Variants in ZSCAN18 observed in about 807,000 individuals in gnomAD.
The protein encoded by ZSCAN18 is zinc finger and SCAN domain-containing protein 18.
Under a neutral mutation model 31.1 loss-of-function variants are expected in ZSCAN18, and 16 were observed. That is an observed-to-expected ratio of 0.51 (90% CI 0.35 to 0.78). The LOEUF is 0.78. Ranked by LOEUF, ZSCAN18 falls within the 30% of genes least tolerant of loss-of-function variation. ZSCAN18 has a pLI of 0.01. For synonymous variants in ZSCAN18, 375 were observed against 320.7 expected (o/e 1.17, Z -1.81); for missense variants, 731 against 697.4 (o/e 1.05, Z -0.54).
chr19:58,112,273 G>A (rs1600014754), intron 1 of ZSCAN18, among the ~76,000 whole-genome samples: 3 of 152,216 alleles, frequency 2.0e-5, no homozygotes, highest in Admixed American at 1.3e-4. Context: ...GTGCTCAAGC[G>A]ATACGCCCAT....
At chr19:58,112,510 G>T (rs2074691865) in intron 1 of ZSCAN18, among the ~76,000 whole-genome samples, 1 of 151,990 alleles carries the variant, frequency 6.6e-6, no homozygotes, top group Admixed American at 6.6e-5. Context: ...AATTAGCTGG[G>T]CGTGCTGGCA....
At chr19:58,094,482 G>C (rs1442896421) in intron 1 of ZSCAN18, among the ~76,000 whole-genome samples, 1 of 151,926 alleles carries the variant, frequency 6.6e-6, no homozygotes, top group East Asian at 1.9e-4. Flanking sequence ...TAAAGGGCCA[G>C]ACAGTCTCAG....
chr19:58,100,607 G>A (rs1391193849), upstream of ZSCAN18, among the ~76,000 whole-genome samples: 1 of 152,120 alleles, frequency 6.6e-6, no homozygotes, highest in South Asian at 2.1e-4. Flanking sequence ...CCAGGAACCA[G>A]GGATAAAGAT....
chr19:58,118,314 C>T lies in ZSCAN18; in HGVS notation c.83G>A (p.Cys28Tyr), dbSNP rs1333844657. The change falls in exon 1 of 2, where the codon TGT becomes TAT. Residue 28 changes from cysteine (C) to tyrosine (Y), a missense_variant. Cys to Tyr is a radical substitution (Grantham distance 194, BLOSUM62 -2). Transcript: ENST00000595721. Reference sequence around the variant, plus strand: ...GACCGGTGGGCGGGAACGGAGGAAACAGACCCGAGAGGCCGCGAGAGGACG... The same window carrying T: ...GACCGGTGGGCGGGAACGGAGGAAATAGACCCGAGAGGCCGCGAGAGGACG... The T allele has an allele frequency of 5.9e-6, 9 of 1,528,138 alleles. No homozygotes were observed. In the African/African-American group the frequency reaches 1.3e-4, roughly 22 times the overall value. 94.7% of individuals were successfully genotyped at this position (1,528,138 alleles called of 1,614,324 possible).
intron 1 of ZSCAN18, among the ~76,000 whole-genome samples, chr19:58,110,262 T>C (rs547697320): frequency 1.7e-4 from 26 of 152,220 alleles, no homozygotes; most frequent in Non-Finnish European, 2.8e-4. Flanking sequence ...TGTCTCCTGA[T>C]GCTTTGCTTT....
chr19:58,099,819 A>G (rs1017015602), upstream of ZSCAN18, among the ~76,000 whole-genome samples: 1 of 152,056 alleles, frequency 6.6e-6, no homozygotes, highest in Non-Finnish European at 1.5e-5. Context: ...TGTGGTTTCA[A>G]TTTGCATTTC....
chr19:58,100,117 C>A (rs1335227964), upstream of ZSCAN18, among the ~76,000 whole-genome samples: 3 of 147,442 alleles, frequency 2.0e-5, no homozygotes, highest in African/African-American at 5.1e-5. Flanking sequence ...CGCTACCATA[C>A]CCAGCTAATT....
chr19:58,096,930 G>A (rs2074529321), intron 1 of ZSCAN18, among the ~76,000 whole-genome samples: 1 of 152,196 alleles, frequency 6.6e-6, no homozygotes, highest in Non-Finnish European at 1.5e-5. Flanking sequence ...GAACCAGAGA[G>A]ATGTCCTGCG....
intron 1 of ZSCAN18, among the ~76,000 whole-genome samples, chr19:58,111,167 C>CAA (rs11435898): frequency 7.0e-4 from 104 of 148,224 alleles, no homozygotes; most frequent in Non-Finnish European, 9.3e-4. Flanking sequence ...GACTCCGTCT[C>CAA]AAAAAAAAAA....
intron 1 of ZSCAN18, among the ~76,000 whole-genome samples, chr19:58,111,356 A>T (rs890410357): frequency 2.0e-5 from 3 of 151,672 alleles, no homozygotes; most frequent in African/African-American, 4.8e-5. Context: ...CCCGAAAAAA[A>T]TTTTTTTTAA....
At chr19:58,100,125 A>AT (rs138368400), upstream of ZSCAN18, among the ~76,000 whole-genome samples, 522 of 148,238 alleles carry the variant, frequency 3.5e-3, 1 homozygote, top group Non-Finnish European at 5.6e-3. Context: ...TACCCAGCTA[A>AT]TTTTTTTTTT....
upstream of ZSCAN18, among the ~76,000 whole-genome samples, chr19:58,100,424 CAG>C (rs1364575983): frequency 6.6e-6 from 1 of 152,126 alleles, no homozygotes; most frequent in Non-Finnish European, 1.5e-5. Context: ...AATCGTGGGG[CAG>C]AGAGAGGGTC....
At chr19:58,117,145 T>C (rs1462512965) in intron 1 of ZSCAN18, among the ~76,000 whole-genome samples, 6 of 152,274 alleles carry the variant, frequency 3.9e-5, no homozygotes, top group Admixed American at 3.3e-4. Flanking sequence ...GGTTAAGCCA[T>C]GGGATTTTGG....
chr19:58,112,114 A>G (rs2074688197), intron 1 of ZSCAN18, among the ~76,000 whole-genome samples: 1 of 152,024 alleles, frequency 6.6e-6, no homozygotes, highest in Non-Finnish European at 1.5e-5. Context: ...GGCTCCCTGA[A>G]GCCTCGACTG....
chr19:58,085,610 C>T (rs2074262874), intron 6 of ZSCAN18: 2 of 533,754 alleles, frequency 3.7e-6, no homozygotes, highest in East Asian at 3.3e-5. Context: ...CGGAGGCCAC[C>T]GACAGGACAG....
At chr19:58,117,880 C>T (rs1048467353) in intron 1 of ZSCAN18, among the ~76,000 whole-genome samples, 25 of 152,078 alleles carry the variant, frequency 1.6e-4, no homozygotes, top group African/African-American at 6.0e-4. Flanking sequence ...CCGTGCTCCA[C>T]AGGGCGAAGG....
intron 6 of ZSCAN18, chr19:58,085,756 G>C: frequency 3.1e-6 from 1 of 318,952 alleles, no homozygotes; most frequent in Non-Finnish European, 5.8e-6. Context: ...GAGGGGCCCG[G>C]CTGCCAGCGA....
chr19:58,089,282 G>A (rs1200039438), intron 2 of ZSCAN18, among the ~76,000 whole-genome samples: 8 of 104,598 alleles, frequency 7.6e-5, no homozygotes, highest in Admixed American at 1.4e-4. Flanking sequence ...CAGCCTGGGC[G>A]ACAGAGCGAG....
At chr19:58,089,433 C>T (rs1599960118) in intron 2 of ZSCAN18, among the ~76,000 whole-genome samples, 1 of 151,332 alleles carries the variant, frequency 6.6e-6, no homozygotes, top group South Asian at 2.1e-4. Context: ...TGATACCATC[C>T]TGGCCAACAT....
Sources: gnomAD v4.1 joint callset for allele counts (sites outside exome capture counted in the v4.1 genomes callset) on GRCh38, gnomAD v4.1.1 for gene constraint, MANE v1.5 for transcripts, NCBI Gene and HGNC (gene_info 2026-07-23, HGNC 2026-07-21) for gene names.